Variants in RTL1 observed in about 807,000 individuals in gnomAD.
RTL1 encodes the protein retrotransposon-like protein 1.
For synonymous variants in RTL1, 727 were observed against 748.4 expected (o/e 0.97, Z 0.47); for missense variants, 1,681 against 1,767.5 (o/e 0.95, Z 0.88).
Position 100,880,999 on chromosome 14 carries a change from C to T in RTL1, c.3790G>A (p.Val1264Met), listed in dbSNP as rs765524569. The change falls in exon 4 of 4, where the codon GTG becomes ATG. Residue 1264 changes from valine to methionine, a missense_variant. Transcript: ENST00000649591. ...GTGTGGCTGGGTGGGGCCTCCTGCA[C>T]GTCGTTGTCCTGCTTGTCCTGCGAG... Reference protein sequence around the residue: ...DTSQDKQDNDVQEAPPSHTAA... With the variant: ...DTSQDKQDNDMQEAPPSHTAA... 4.6e-5 allele frequency: 72 copies of T among 1,568,106 alleles called. No individual in the cohort carries two copies. The highest frequency in any genetic ancestry group is 5.6e-5 in the Admixed American group (3 of 53,814).
chr14:100,899,168 T>C (rs2038908577), intron 2 of RTL1: 1 of 152,400 alleles, frequency 6.6e-6, no homozygotes, highest in Non-Finnish European at 1.5e-5. Context: ...CAGCCTGCGC[T>C]ATACCACGTT....
rs537965265 is a variant in RTL1, at chr14:100,880,609, G to T, written c.*103C>A. Reference sequence around the variant, plus strand: ...GTTCCTCTTGGGTCAGGAGTGGCAGGAAGGGAAGCGAAGCAGGCTGAGGCG... The same window carrying T: ...GTTCCTCTTGGGTCAGGAGTGGCAGTAAGGGAAGCGAAGCAGGCTGAGGCG... On this transcript the variant is annotated 3_prime_UTR_variant, in exon 4 of 4. Transcript: ENST00000649591. 8.5e-5 allele frequency: 128 copies of T among 1,500,840 alleles called. 3 individuals are homozygous for T. The South Asian group carries it at 1.5e-3, about 18-fold the overall frequency. 93.0% of individuals were successfully genotyped at this position (1,500,840 alleles called of 1,614,324 possible). A position where few individuals can be genotyped will look rare whatever the true frequency, so the allele number is the denominator to read the frequency against.
intron 2 of RTL1, among the ~76,000 whole-genome samples, chr14:100,900,499 G>A (rs2140060814): frequency 6.6e-6 from 1 of 152,332 alleles, no homozygotes; most frequent in East Asian, 1.9e-4. Flanking sequence ...ATGTAGAGCT[G>A]TCCAGGTCTC....
chr14:100,897,422 G>A (rs1437904438), intron 2 of RTL1, among the ~76,000 whole-genome samples: 3 of 151,728 alleles, frequency 2.0e-5, no homozygotes, highest in Non-Finnish European at 4.4e-5. Context: ...TGCTTCCCTC[G>A]ATCCCTCCCC....
chr14:100,885,520 TG>T (rs1449007920), intron 3 of RTL1, among the ~76,000 whole-genome samples: 6 of 128,350 alleles, frequency 4.7e-5, no homozygotes, highest in African/African-American at 1.7e-4. Flanking sequence ...TGTACAGGTC[TG>T]GGTTTTTTTT....
chr14:100,890,450 G>C (rs1473907052), intron 3 of RTL1, among the ~76,000 whole-genome samples: 1 of 151,568 alleles, frequency 6.6e-6, no homozygotes, highest in Admixed American at 6.6e-5. Flanking sequence ...AGCCTGGGGC[G>C]GGGGGCCGGG....
chr14:100,897,748 T>TGGTGGGGGGGGGGGGG (rs1566760796), intron 2 of RTL1: 2 of 79,342 alleles, frequency 2.5e-5, no homozygotes, highest in African/African-American at 7.5e-4. Flanking sequence ...TTACCCTGGT[T>TGGTGGGGGGGGGGGGG]GGCGGGGGGG....
chr14:100,891,361 G>A (rs549131665), intron 3 of RTL1, among the ~76,000 whole-genome samples: 20 of 152,320 alleles, frequency 1.3e-4, no homozygotes, highest in South Asian at 2.1e-4. Context: ...GGACTTCATC[G>A]TAGTGATGGG....
intron 3 of RTL1, among the ~76,000 whole-genome samples, chr14:100,887,241 T>C (rs2038707604): frequency 6.6e-6 from 1 of 152,176 alleles, no homozygotes; most frequent in South Asian, 2.1e-4. Flanking sequence ...TCGCATGATA[T>C]AAAATTCTGA....
At chr14:100,887,915 G>A (rs1320408955) in intron 3 of RTL1, among the ~76,000 whole-genome samples, 1 of 150,520 alleles carries the variant, frequency 6.6e-6, no homozygotes, top group Non-Finnish European at 1.5e-5. Flanking sequence ...TAAATGACCC[G>A]TCTCCTCAGC....
In RTL1 at chr14:100,889,014, C is replaced by T. The variant is rs116123072; in HGVS notation, c.-86-4140G>A. ...TGTAATGTGAATCCCAAAGCCGTTACCCGTAAAATATATTTTATCATGTTT... is the reference window on the plus strand; with the variant it reads ...TGTAATGTGAATCCCAAAGCCGTTATCCGTAAAATATATTTTATCATGTTT... On this transcript the variant is annotated intron_variant, in intron 3 of 3. Transcript: ENST00000649591. 4.5e-3 allele frequency among the ~76,000 whole-genome samples: 687 copies of T among 152,272 alleles called. 5 individuals are homozygous for T. The highest frequency in any genetic ancestry group is 0.016 in the African/African-American group (661 of 41,552).
At chr14:100,889,181 A>C (rs1204646038) in intron 3 of RTL1, among the ~76,000 whole-genome samples, 1 of 152,180 alleles carries the variant, frequency 6.6e-6, no homozygotes, top group Non-Finnish European at 1.5e-5. Flanking sequence ...CTTCCCAGGA[A>C]ACTCAAATTA....
chr14:100,892,666 G>A (rs936670154), intron 3 of RTL1, among the ~76,000 whole-genome samples: 3 of 152,064 alleles, frequency 2.0e-5, no homozygotes, highest in Admixed American at 6.5e-5. Flanking sequence ...CATAATTATC[G>A]GCGACAATGG....
rs2038811789 is a variant in RTL1, at chr14:100,893,625, T to C, written c.-148-120A>G. 6.6e-6 allele frequency among the ~76,000 whole-genome samples: 1 copy of C among 152,252 alleles called. No homozygotes were observed. The highest frequency in any genetic ancestry group is 2.4e-5 in the African/African-American group (1 of 41,472). On this transcript the variant is annotated intron_variant, in intron 2 of 3. Transcript: ENST00000649591. This position sits in a 1 kb window ranked among gnomAD's most constrained non-coding sequence, Gnocchi z 4.2. Reference sequence around the variant, plus strand: ...CACACAGTCTTCCAGCCTGCTCTGCTCGCGTGCCTTTCTGTTGTGAGCTTT... The same window carrying C: ...CACACAGTCTTCCAGCCTGCTCTGCCCGCGTGCCTTTCTGTTGTGAGCTTT...
Position 100,882,128 on chromosome 14 carries a change from G to T in RTL1, c.2661C>A (p.His887Gln), listed in dbSNP as rs374934560. 2 of 1,554,322 alleles carry T rather than the reference G, an allele frequency of 1.3e-6. No homozygotes were observed. The highest frequency in any genetic ancestry group is 1.7e-6 in the Non-Finnish European group (2 of 1,148,786). Reference protein sequence around the residue: ...LETGVTGTALHASLIQIDDQT... With the variant: ...LETGVTGTALQASLIQIDDQT... ...GGTCGTCGATTTGGATCAGGGAGGC[G>T]TGCAGGGCCGTGCCGGTGACGCCGG... Residue 887 changes from histidine (H) to glutamine (Q), a missense_variant, in exon 4 of 4, where the codon CAC (histidine) becomes CAA (glutamine). Transcript: ENST00000649591.
At chr14:100,902,608 TAGC>T (rs34441254) in intron 2 of RTL1, among the ~76,000 whole-genome samples, 15,608 of 151,712 alleles carry the variant, frequency 0.1, 1,038 homozygotes, top group South Asian at 0.15. Flanking sequence ...AGCCCTGCAG[TAGC>T]AGCAGCAGCA....
At chr14:100,902,217 C>T (rs1438424525) in intron 2 of RTL1, among the ~76,000 whole-genome samples, 1 of 152,212 alleles carries the variant, frequency 6.6e-6, no homozygotes, top group African/African-American at 2.4e-5. Flanking sequence ...GGCTGTGCAG[C>T]AGCCCCCTTG....
chr14:100,902,641 G>A (rs1388605732), intron 2 of RTL1, among the ~76,000 whole-genome samples: 1 of 151,828 alleles, frequency 6.6e-6, no homozygotes, highest in Non-Finnish European at 1.5e-5. Flanking sequence ...GCAGTAGGCA[G>A]CCACAGCAGG....
At chr14:100,890,599 G>C (rs1048469038) in intron 3 of RTL1, among the ~76,000 whole-genome samples, 2 of 152,006 alleles carry the variant, frequency 1.3e-5, no homozygotes, top group Non-Finnish European at 2.9e-5. Flanking sequence ...TCTCTGGAAT[G>C]CTGGCCATGC....
Sources: gnomAD v4.1 joint callset for allele counts (sites outside exome capture counted in the v4.1 genomes callset) on GRCh38, gnomAD v4.1.1 for gene constraint, Gnocchi (gnomAD v3.1) non-coding constraint, MANE v1.5 for transcripts, NCBI Gene and HGNC (gene_info 2026-07-23, HGNC 2026-07-21) for gene names.